CACNA2D3: variants seen among roughly 807,000 people sequenced by gnomAD.
CACNA2D3 encodes voltage-dependent calcium channel subunit alpha-2/delta-3.
Under a neutral mutation model 160.6 loss-of-function variants are expected in CACNA2D3, and 60 were observed. That is an observed-to-expected ratio of 0.37 (90% CI 0.30 to 0.46). The LOEUF is 0.46. Ranked by LOEUF, CACNA2D3 falls within the 20% of genes least tolerant of loss-of-function variation. The probability of loss-of-function intolerance (pLI) is 1.00; values close to 1 mark genes in which losing one functional copy is unlikely to be tolerated. For synonymous variants in CACNA2D3, 558 were observed against 492.9 expected (o/e 1.13, Z -1.75); for missense variants, 1,205 against 1,365.0 (o/e 0.88, Z 1.85).
intron 11 of CACNA2D3, among the ~76,000 whole-genome samples, chr3:54,748,890 T>A (rs1409955567): frequency 6.6e-6 from 1 of 152,222 alleles, no homozygotes; most frequent in African/African-American, 2.4e-5. Flanking sequence ...AATCTGTTAA[T>A]GATGGAAATT....
intron 2 of CACNA2D3, among the ~76,000 whole-genome samples, chr3:54,239,690 G>A (rs555291259): frequency 6.6e-6 from 1 of 152,274 alleles, no homozygotes; most frequent in East Asian, 1.9e-4. Flanking sequence ...TCTGAGTTTG[G>A]CTCAAAAATA....
intron 11 of CACNA2D3, among the ~76,000 whole-genome samples, chr3:54,734,644 A>G (rs978709265): frequency 2.6e-5 from 4 of 152,184 alleles, no homozygotes; most frequent in Admixed American, 1.3e-4. Context: ...ATCGGTAGGA[A>G]ATAAATGGCA....
intron 2 of CACNA2D3, among the ~76,000 whole-genome samples, chr3:54,191,639 C>A (rs548165291): frequency 2.0e-5 from 3 of 152,206 alleles, no homozygotes; most frequent in African/African-American, 7.2e-5. Flanking sequence ...GTGGCAAATT[C>A]AGCCTCCCTC....
chr3:54,273,545 C>T (rs545039731), intron 2 of CACNA2D3, among the ~76,000 whole-genome samples: 2 of 152,262 alleles, frequency 1.3e-5, no homozygotes, highest in Admixed American at 6.5e-5. Flanking sequence ...CACAGGGCAG[C>T]GTTTCCCCTT....
At chr3:54,974,532 A>T (rs1043886481) in intron 29 of CACNA2D3, among the ~76,000 whole-genome samples, 2 of 151,994 alleles carry the variant, frequency 1.3e-5, no homozygotes, top group African/African-American at 4.8e-5. Context: ...TGCCCTTCCA[A>T]TCTGTGACTG....
chr3:54,770,094 G>A (rs1266801208), intron 13 of CACNA2D3, among the ~76,000 whole-genome samples: 3 of 152,140 alleles, frequency 2.0e-5, no homozygotes, highest in Non-Finnish European at 2.9e-5. Flanking sequence ...ACTTGCTGCC[G>A]ACACTTGCGG....
intron 27 of CACNA2D3, chr3:54,925,115 G>A (rs576541973): frequency 1.9e-6 from 3 of 1,614,102 alleles, no homozygotes; most frequent in African/African-American, 2.7e-5. Context: ...CCTGCTGGCT[G>A]CAGTCTACAA....
At chr3:54,665,793 T>A (rs925283616) in intron 11 of CACNA2D3, among the ~76,000 whole-genome samples, 10 of 151,280 alleles carry the variant, frequency 6.6e-5, no homozygotes, top group Middle Eastern at 3.2e-3. Flanking sequence ...ATGGTTATTT[T>A]TTTTTTTTTT....
At chr3:54,295,542 A>G (rs61200778) in intron 2 of CACNA2D3, among the ~76,000 whole-genome samples, 33,399 of 152,086 alleles carry the variant, frequency 0.22, 3,852 homozygotes, top group South Asian at 0.34. Flanking sequence ...GGGACAACTC[A>G]AAGTGAGGAG....
At chr3:55,062,967 C>T (rs145545447) in intron 35 of CACNA2D3, among the ~76,000 whole-genome samples, 51 of 152,180 alleles carry the variant, frequency 3.4e-4, no homozygotes, top group African/African-American at 1.1e-3. Context: ...ATGGCAAAGT[C>T]GCTGTGAGCA....
chr3:55,062,610 T>G (rs1271936976), intron 35 of CACNA2D3, among the ~76,000 whole-genome samples: 1 of 152,236 alleles, frequency 6.6e-6, no homozygotes, highest in African/African-American at 2.4e-5. Context: ...CTCACTATAC[T>G]GTATTGATGA....
At chr3:54,857,770 G>A (rs1699204108) in intron 17 of CACNA2D3, among the ~76,000 whole-genome samples, 1 of 152,196 alleles carries the variant, frequency 6.6e-6, no homozygotes, top group Non-Finnish European at 1.5e-5. Flanking sequence ...TTCAAATGCA[G>A]TTTTGAGTGC....
intron 2 of CACNA2D3, among the ~76,000 whole-genome samples, chr3:54,304,867 A>G (rs1703561588): frequency 6.6e-6 from 1 of 152,040 alleles, no homozygotes; most frequent in Non-Finnish European, 1.5e-5. Flanking sequence ...CACCATACCC[A>G]GGCACGATTG....
chr3:54,825,498 T>A (rs1231990234), intron 14 of CACNA2D3, among the ~76,000 whole-genome samples: 1 of 152,182 alleles, frequency 6.6e-6, no homozygotes, highest in African/African-American at 2.4e-5. Context: ...CATTTTGGGG[T>A]CTCTTCCGTA....
chr3:54,866,010 C>T (rs905683635), intron 17 of CACNA2D3, among the ~76,000 whole-genome samples: 1 of 151,830 alleles, frequency 6.6e-6, no homozygotes, highest in Non-Finnish European at 1.5e-5. Flanking sequence ...GACTCCAGGA[C>T]CCTGGCTTTA....
intron 9 of CACNA2D3, among the ~76,000 whole-genome samples, chr3:54,608,938 G>A (rs1232660973): frequency 6.6e-6 from 1 of 152,118 alleles, no homozygotes; most frequent in African/African-American, 2.4e-5. Context: ...AGACCTTGAG[G>A]AACTTAACCT....
At chr3:54,703,579 A>C (rs13070126) in intron 11 of CACNA2D3, among the ~76,000 whole-genome samples, 33,672 of 152,114 alleles carry the variant, frequency 0.22, 3,951 homozygotes, top group Admixed American at 0.29. Context: ...ACCGTTGACT[A>C]TCCTCCTACC....
intron 3 of CACNA2D3, among the ~76,000 whole-genome samples, chr3:54,342,932 G>C (rs1247907937): frequency 6.6e-6 from 1 of 152,134 alleles, no homozygotes; most frequent in Admixed American, 6.5e-5. Flanking sequence ...GGCCCGGGGG[G>C]GCCCGCCCTG....
intron 18 of CACNA2D3, 188 bp from the exon 19 acceptor site, chr3:54,878,830 G>T (rs778467511): frequency 6.8e-4 from 296 of 436,546 alleles, no homozygotes; most frequent in Non-Finnish European, 1.0e-3. Context: ...AAAGATGAAG[G>T]TCATTTATTT....
Sources: allele counts gnomAD v4.1 joint callset (sites outside exome capture counted in the v4.1 genomes callset), GRCh38; gene constraint gnomAD v4.1.1; transcripts MANE v1.5; gene names NCBI Gene and HGNC (gene_info 2026-07-23, HGNC 2026-07-21).